Variants in CHN2 observed in about 807,000 individuals in gnomAD.
CHN2 encodes the protein beta-chimaerin.
Under a neutral mutation model 56.3 loss-of-function variants are expected in CHN2, and 35 were observed. The observed-to-expected ratio is 0.62, with a 90% CI of 0.47 to 0.82. CHN2 has a LOEUF of 0.82. Ranked by LOEUF, CHN2 falls within the 40% of genes least tolerant of loss-of-function variation. The probability of loss-of-function intolerance (pLI) is 0.00; values close to 1 mark genes in which losing one functional copy is unlikely to be tolerated. For missense variants in CHN2, 491 were observed against 580.5 expected (o/e 0.85, Z 1.58); for synonymous variants, 210 against 212.8 (o/e 0.99, Z 0.12).
intron 6 of CHN2, among the ~76,000 whole-genome samples, chr7:29,466,898 G>T (rs1035273167): frequency 6.6e-6 from 1 of 152,082 alleles, no homozygotes; most frequent in African/African-American, 2.4e-5. Context: ...ATTTATAAAT[G>T]TAATATAATT....
intron 1 of CHN2, among the ~76,000 whole-genome samples, chr7:29,262,618 T>G (rs2128832980): frequency 6.6e-6 from 1 of 152,370 alleles, no homozygotes; most frequent in African/African-American, 2.4e-5. Flanking sequence ...TTTTGTCAAT[T>G]AAAGTGAACC....
At chr7:29,332,031 AAG>A (rs1183069687) in intron 1 of CHN2, among the ~76,000 whole-genome samples, 4 of 146,234 alleles carry the variant, frequency 2.7e-5, no homozygotes, top group Non-Finnish European at 6.1e-5. Context: ...AAAAAAAAAA[AAG>A]AGAAGGATAA....
chr7:29,227,563 C>T (rs1786310262), intron 1 of CHN2, among the ~76,000 whole-genome samples: 1 of 152,178 alleles, frequency 6.6e-6, no homozygotes, highest in Non-Finnish European at 1.5e-5. Context: ...AAGATGACCT[C>T]ATTGGAATTA....
At chr7:29,177,800 T>C (rs969402739) in intron 2 of CHN2, among the ~76,000 whole-genome samples, 1 of 152,132 alleles carries the variant, frequency 6.6e-6, no homozygotes. Flanking sequence ...TATCTGTTCT[T>C]TCATTCATTC....
chr7:29,323,674 C>A (rs1479359373), intron 1 of CHN2, among the ~76,000 whole-genome samples: 1 of 151,960 alleles, frequency 6.6e-6, no homozygotes, highest in Admixed American at 6.6e-5. Context: ...GCTGGGCTTG[C>A]TGCTGATTGG....
intron 1 of CHN2, among the ~76,000 whole-genome samples, chr7:29,270,493 A>T (rs865946874): frequency 7.5e-5 from 2 of 26,558 alleles, no homozygotes; most frequent in African/African-American, 1.3e-3. Flanking sequence ...CATCTCTACT[A>T]AAAAAAAAAA....
At chr7:29,385,623 G>A (rs1348715672) in intron 3 of CHN2, among the ~76,000 whole-genome samples, 1 of 152,144 alleles carries the variant, frequency 6.6e-6, no homozygotes, top group Non-Finnish European at 1.5e-5. Context: ...CGTGGCACTG[G>A]GGAACCAGTG....
chr7:29,337,734 G>T (rs1284463631), intron 1 of CHN2, among the ~76,000 whole-genome samples: 1 of 152,228 alleles, frequency 6.6e-6, no homozygotes, highest in African/African-American at 2.4e-5. Flanking sequence ...GCATCTTGCA[G>T]GTTGTGAGGG....
rs546963346 is a variant in CHN2, at chr7:29,377,955, A to G, written c.144+9968A>G. On this transcript the variant is annotated intron_variant, in intron 3 of 12. Coordinates refer to ENST00000222792, the MANE Select transcript of CHN2 (RefSeq NM_004067.4). ...AAGGCATATTTGGTTGCCATCCAGC[A>G]CCTTGCGTCCTTCTAGGTAATTACA... is the stretch of plus-strand genomic sequence containing the variant. Among the ~76,000 whole-genome samples the G allele has an allele frequency of 9.2e-5, 14 of 152,344 alleles. No homozygotes were observed. In the South Asian group the frequency reaches 2.9e-3, roughly 32 times the overall value.
chr7:29,150,434 A>G (rs1159418135), intron 2 of CHN2, among the ~76,000 whole-genome samples: 2 of 152,152 alleles, frequency 1.3e-5, no homozygotes, highest in African/African-American at 2.4e-5. Context: ...GTTCTTTCCA[A>G]CTGTCTATCC....
chr7:29,398,548 A>G lies in CHN2; in HGVS notation c.290+62A>G. ...CAAGTGGCTTCACTGATGTTTGCCC[A>G]TTTTTAAGAATTGTAGCAGAGTATA... is the stretch of plus-strand genomic sequence containing the variant. On this transcript the variant is annotated intron_variant, in intron 5 of 12. Transcript: ENST00000222792. The G allele has an allele frequency of 6.9e-6, 7 of 1,011,660 alleles. No individual in the cohort carries two copies. In the South Asian group the frequency reaches 7.7e-5, roughly 11 times the overall value. 62.7% of individuals were successfully genotyped at this position (1,011,660 alleles called of 1,614,324 possible). A position where few individuals can be genotyped will look rare whatever the true frequency, so the allele number is the denominator to read the frequency against.
intron 6 of CHN2, among the ~76,000 whole-genome samples, chr7:29,409,446 A>G (rs1802986358): frequency 6.6e-6 from 1 of 152,238 alleles, no homozygotes; most frequent in Non-Finnish European, 1.5e-5. Flanking sequence ...TAAAAAAGTG[A>G]TGAGAATATT....
In CHN2 at chr7:29,507,260, T is replaced by C. The variant is rs1346111250; in HGVS notation, c.1024T>C (p.Tyr342His). Residue 342 changes from tyrosine to histidine, a missense_variant, in exon 11 of 13, where the codon TAT (tyrosine) becomes CAT (histidine). Tyr to His is a moderately conservative substitution (Grantham distance 83, BLOSUM62 2). Coordinates refer to ENST00000222792, the MANE Select transcript of CHN2 (RefSeq NM_004067.4). ...AAAGGCCGATATATCTGCCAATGTC[T>C]ATCCAGACATAAACATCATCACTGG... ...GEKADISANV[Y>H]PDINIITGAL... 6.2e-7 allele frequency: 1 copy of C among 1,611,984 alleles called. No homozygotes were observed. Among genetic ancestry groups the C allele is most frequent in the Non-Finnish European group, 8.5e-7 (1 of 1,179,378 alleles).
chr7:29,248,406 C>A (rs1331670321), intron 1 of CHN2, among the ~76,000 whole-genome samples: 1 of 152,236 alleles, frequency 6.6e-6, no homozygotes, highest in East Asian at 1.9e-4. Context: ...CTGTTGTCTG[C>A]AGCTTTCAGT....
At chr7:29,489,587 G>A (rs1057409431) in intron 7 of CHN2, among the ~76,000 whole-genome samples, 12 of 152,126 alleles carry the variant, frequency 7.9e-5, no homozygotes, top group Non-Finnish European at 1.3e-4. Context: ...ACAATATATC[G>A]GTCGTGAAAA....
intron 6 of CHN2, among the ~76,000 whole-genome samples, chr7:29,431,612 A>G (rs949128236): frequency 1.3e-4 from 20 of 152,234 alleles, no homozygotes; most frequent in Non-Finnish European, 4.4e-5. Flanking sequence ...CAGAAGAAAT[A>G]CATAAGTGGC....
chr7:29,473,482 TTGTGTGTG>T (rs1554299030), intron 6 of CHN2, among the ~76,000 whole-genome samples: 4 of 118,154 alleles, frequency 3.4e-5, no homozygotes, highest in African/African-American at 1.0e-4. Context: ...TTTTTTTTTT[TTGTGTGTG>T]TGTGTGTGTG....
chr7:29,429,744 T>C (rs1805221544), intron 6 of CHN2, among the ~76,000 whole-genome samples: 1 of 152,230 alleles, frequency 6.6e-6, no homozygotes, highest in South Asian at 2.1e-4. Context: ...AGAAATTTGA[T>C]TTTTATATTT....
At chr7:29,255,058 G>A (rs1788959640) in intron 1 of CHN2, among the ~76,000 whole-genome samples, 1 of 152,184 alleles carries the variant, frequency 6.6e-6, no homozygotes, top group South Asian at 2.1e-4. Context: ...AAAGAGTTCA[G>A]GTCCATTTAC....
Sources: gnomAD v4.1 joint callset for allele counts (sites outside exome capture counted in the v4.1 genomes callset) on GRCh38, gnomAD v4.1.1 for gene constraint, MANE v1.5 for transcripts, NCBI Gene and HGNC (gene_info 2026-07-23, HGNC 2026-07-21) for gene names.